The following LDLRAD4 variants were observed in gnomAD, a reference collection of about 807,000 sequenced individuals.
LDLRAD4 encodes the protein low-density lipoprotein receptor class A domain-containing protein 4.
In LDLRAD4, 5 loss-of-function variants were observed where a neutral mutation model predicts 17.0. That is an observed-to-expected ratio of 0.29 (90% confidence interval 0.15 to 0.62). The LOEUF (loss-of-function observed/expected upper bound fraction) is 0.62. LDLRAD4 is among the 20% of genes least tolerant of loss of function. LDLRAD4 has a pLI of 0.84. For synonymous variants in LDLRAD4, 168 were observed against 171.8 expected, an observed-to-expected ratio of 0.98 and a Z score of 0.17; for missense variants, 340 against 424.7, an observed-to-expected ratio of 0.80 and a Z score of 1.75.
In LDLRAD4 at chr18:13,257,039, C is replaced by T. The variant is rs529788060; in HGVS notation, c.-466-21066C>T. ...AGAAGTGCAAATTTGTTAATACTTC[C>T]TTTGACAATGGTTTGTATTCAGAGC... On this transcript the variant is annotated intron_variant, in intron 1 of 5. Coordinates refer to the LDLRAD4 transcript ENST00000399848. Among the ~76,000 whole-genome samples, 234 of 152,318 alleles carry T rather than the reference C, an allele frequency of 1.5e-3. 1 individual carries two copies. The highest frequency in any genetic ancestry group is 2.0e-3 in the Non-Finnish European group (136 of 68,030).
At chr18:13,643,016 A>T (rs1364489419) in intron 4 of LDLRAD4, among the ~76,000 whole-genome samples, 14 of 150,112 alleles carry the variant, frequency 9.3e-5, no homozygotes, top group Admixed American at 4.0e-4. Context: ...GCTCACTGCA[A>T]CCTCCGCGTC....
At chr18:13,501,510 G>T (rs1164564640) in intron 3 of LDLRAD4, among the ~76,000 whole-genome samples, 1 of 151,940 alleles carries the variant, frequency 6.6e-6, no homozygotes. Context: ...TGTCTGTCTG[G>T]GTCTCACCCT....
chr18:13,564,771 C>A (rs1045697652), intron 3 of LDLRAD4, among the ~76,000 whole-genome samples: 2 of 152,070 alleles, frequency 1.3e-5, no homozygotes, highest in African/African-American at 4.8e-5. Context: ...GTGCTCCAGC[C>A]CTCCCGTGAT....
chr18:13,504,916 A>G (rs1038326177), intron 3 of LDLRAD4, among the ~76,000 whole-genome samples: 2 of 152,124 alleles, frequency 1.3e-5, no homozygotes, highest in Non-Finnish European at 2.9e-5. Flanking sequence ...TCACCTTCCC[A>G]CTAGAGGACA....
intron 2 of LDLRAD4, among the ~76,000 whole-genome samples, chr18:13,393,831 T>G (rs1235197978): frequency 2.0e-5 from 3 of 152,176 alleles, no homozygotes; most frequent in African/African-American, 7.2e-5. Context: ...CCTGACACAG[T>G]GACTGTGAGC....
intron 3 of LDLRAD4, among the ~76,000 whole-genome samples, chr18:13,600,017 T>C (rs1395893919): frequency 2.6e-5 from 4 of 152,240 alleles, no homozygotes; most frequent in Non-Finnish European, 5.9e-5. Flanking sequence ...TCTCACTATA[T>C]TGACCAGTCT....
At chr18:13,451,036 T>C (rs993065964) in intron 3 of LDLRAD4, among the ~76,000 whole-genome samples, 1 of 152,200 alleles carries the variant, frequency 6.6e-6, no homozygotes, top group South Asian at 2.1e-4. Flanking sequence ...ACAAAGCTGT[T>C]GTATAGCCGG....
At chr18:13,495,812 G>A (rs1187965569) in intron 3 of LDLRAD4, among the ~76,000 whole-genome samples, 1 of 152,214 alleles carries the variant, frequency 6.6e-6, no homozygotes, top group East Asian at 1.9e-4. Flanking sequence ...TCTCTGCCTG[G>A]ATCATACGGC....
chr18:13,362,375 T>A (rs999141488), intron 1 of LDLRAD4: 1 of 152,214 alleles, frequency 6.6e-6, no homozygotes, highest in Non-Finnish European at 1.5e-5. Flanking sequence ...ATAGACCTTG[T>A]AAATGGAGTT....
At chr18:13,335,726 A>G (rs192000328) in intron 1 of LDLRAD4, among the ~76,000 whole-genome samples, 1 of 152,304 alleles carries the variant, frequency 6.6e-6, no homozygotes, top group East Asian at 1.9e-4. Flanking sequence ...GGCTGGGTAT[A>G]AATTCTTGGC....
At chr18:13,553,797 C>A (rs2094458067) in intron 3 of LDLRAD4, among the ~76,000 whole-genome samples, 1 of 152,184 alleles carries the variant, frequency 6.6e-6, no homozygotes, top group African/African-American at 2.4e-5. Flanking sequence ...CATGTTCCCC[C>A]CTTTACTGTT....
chr18:13,489,718 T>C (rs1051513572), intron 3 of LDLRAD4: 1 of 152,226 alleles, frequency 6.6e-6, no homozygotes, highest in Non-Finnish European at 1.5e-5. Context: ...GTATTATTCC[T>C]GTCACAGAAT....
chr18:13,612,540 AAC>A lies in LDLRAD4; in HGVS notation c.182-8572_182-8571del, dbSNP rs1255392564. ...AGAGAGAGTGAACGAGGCAGACAGA[AAC>A]ACACCCCCCCCCCCTCCACGCTCAC... On this transcript the variant is annotated intron_variant, in intron 3 of 5. Transcript: ENST00000359446. 7.5e-4 allele frequency: 1,044 copies of A among 1,391,518 alleles called. No homozygotes were observed. In the African/African-American group the frequency reaches 9.1e-3, roughly 12 times the overall value. 86.2% of individuals were successfully genotyped at this position (1,391,518 alleles called of 1,614,324 possible).
chr18:13,282,735 T>C (rs2045358141), intron 1 of LDLRAD4, among the ~76,000 whole-genome samples: 1 of 152,156 alleles, frequency 6.6e-6, no homozygotes, highest in South Asian at 2.1e-4. Context: ...GGATCTACCA[T>C]TCTGTGGTCT....
chr18:13,547,743 G>T (rs2094385520), intron 3 of LDLRAD4, among the ~76,000 whole-genome samples: 1 of 152,192 alleles, frequency 6.6e-6, no homozygotes, highest in Non-Finnish European at 1.5e-5. Flanking sequence ...GGAAATGCTA[G>T]GAAGTGCAGA....
chr18:13,294,407 A>G (rs912565734), intron 1 of LDLRAD4, among the ~76,000 whole-genome samples: 4 of 152,202 alleles, frequency 2.6e-5, no homozygotes, highest in African/African-American at 9.7e-5. Context: ...AATGCATGGC[A>G]AGGCATTTTT....
At chr18:13,281,038 T>A (rs1017113025) in intron 1 of LDLRAD4, among the ~76,000 whole-genome samples, 6 of 152,236 alleles carry the variant, frequency 3.9e-5, no homozygotes, top group African/African-American at 1.4e-4. Flanking sequence ...AGAGTCCTGC[T>A]TATTTTCACC....
At chr18:13,345,370 A>G (rs2082620090) in intron 1 of LDLRAD4, among the ~76,000 whole-genome samples, 1 of 152,156 alleles carries the variant, frequency 6.6e-6, no homozygotes, top group Admixed American at 6.5e-5. Flanking sequence ...TTCTGTTTAT[A>G]TGCTGGATTA....
chr18:13,223,564 G>A (rs2041583555), intron 1 of LDLRAD4, among the ~76,000 whole-genome samples: 1 of 152,224 alleles, frequency 6.6e-6, no homozygotes, highest in Admixed American at 6.5e-5. Flanking sequence ...TGTGCACAGA[G>A]CTGCAAGGGA....
Sources: gnomAD v4.1 joint callset for allele counts (sites outside exome capture counted in the v4.1 genomes callset) on GRCh38, gnomAD v4.1.1 for gene constraint, MANE v1.5 for transcripts, NCBI Gene and HGNC (gene_info 2026-07-23, HGNC 2026-07-21) for gene names.